NBAS: variants seen among roughly 807,000 people sequenced by gnomAD.
NBAS encodes NAG/BC035112 fusion.
A neutral mutation model predicts 302.5 loss-of-function variants in NBAS; 219 were observed. The observed-to-expected ratio is 0.72, with a 90% CI of 0.65 to 0.81. The LOEUF (loss-of-function observed/expected upper bound fraction) is 0.81, where lower values mean the gene tolerates loss of function less well. NBAS is among the 30% of genes least tolerant of loss of function. The pLI is 0.00. For synonymous variants in NBAS, 1,118 were observed against 1,021.6 expected, an observed-to-expected ratio of 1.09 and a Z score of -1.80; for missense variants, 2,932 against 2,841.6, an observed-to-expected ratio of 1.03 and a Z score of -0.72.
At chr2:15,301,102 G>A (rs1670774724) in intron 40 of NBAS, among the ~76,000 whole-genome samples, 1 of 152,088 alleles carries the variant, frequency 6.6e-6, no homozygotes, top group African/African-American at 2.4e-5. Flanking sequence ...ATATCCTGCT[G>A]GGAATTACCC....
the NBAS span, among the ~76,000 whole-genome samples, chr2:14,936,694 G>C: frequency 1.3e-5 from 2 of 152,190 alleles, no homozygotes. Context: ...GGAGATTCGA[G>C]GTGGTAGTTG....
chr2:15,510,422 GT>G (rs1476722201), intron 10 of NBAS, among the ~76,000 whole-genome samples: 25 of 152,116 alleles, frequency 1.6e-4, no homozygotes, highest in Admixed American at 1.6e-3. Context: ...AACGGAGATA[GT>G]GGGACCCCAA....
At chr2:15,151,747 T>C in the NBAS span, among the ~76,000 whole-genome samples, 1 of 152,212 alleles carries the variant, frequency 6.6e-6, no homozygotes, top group Non-Finnish European at 1.5e-5. Flanking sequence ...GTTTGATTCA[T>C]GGGGGCTCCT....
chr2:15,139,088 G>C, the NBAS span, among the ~76,000 whole-genome samples: 1 of 152,370 alleles, frequency 6.6e-6, no homozygotes, highest in South Asian at 2.1e-4. Context: ...AAAGAGTCCA[G>C]TGGAGCTGCG....
At chr2:14,958,844 T>C in the NBAS span, among the ~76,000 whole-genome samples, 2 of 152,022 alleles carry the variant, frequency 1.3e-5, no homozygotes, top group Non-Finnish European at 2.9e-5. Context: ...TCCATAAAAA[T>C]AGGGGCTCTA....
chr2:15,449,610 GAAGAT>G (rs1467993694), intron 21 of NBAS, among the ~76,000 whole-genome samples: 1 of 151,858 alleles, frequency 6.6e-6, no homozygotes, highest in Non-Finnish European at 1.5e-5. Context: ...CTTTAAATAG[GAAGAT>G]AAGAACCCAT....
At chr2:15,226,858 T>C (rs1348151906) in intron 47 of NBAS, among the ~76,000 whole-genome samples, 3 of 152,190 alleles carry the variant, frequency 2.0e-5, no homozygotes, top group Admixed American at 1.3e-4. Context: ...TGTGCAAACG[T>C]GGACAATCTG....
At chr2:14,967,133 G>A in the NBAS span, among the ~76,000 whole-genome samples, 1 of 152,218 alleles carries the variant, frequency 6.6e-6, no homozygotes, top group Non-Finnish European at 1.5e-5. Context: ...AAACACCACT[G>A]AGATATATTT....
At chr2:15,460,127 C>T (rs1052223701) in intron 21 of NBAS, among the ~76,000 whole-genome samples, 2 of 152,126 alleles carry the variant, frequency 1.3e-5, no homozygotes, top group African/African-American at 4.8e-5. Context: ...AAATGATCCC[C>T]TAATTTGAAT....
At chr2:14,902,902 G>A in the NBAS span, among the ~76,000 whole-genome samples, 2 of 152,074 alleles carry the variant, frequency 1.3e-5, no homozygotes, top group Non-Finnish European at 2.9e-5. Flanking sequence ...AATAAACAAG[G>A]TGAGAATGTT....
Position 15,405,638 on chromosome 2 carries a change from C to A in NBAS, c.2938-3337G>T, listed in dbSNP as rs78234073. Among the ~76,000 whole-genome samples, 1,030 of 152,270 alleles carry A rather than the reference C, an allele frequency of 6.8e-3. 12 individuals are homozygous for A. Among genetic ancestry groups the A allele is most frequent in the African/African-American group, 0.022 (929 of 41,562 alleles). ...GCAAAAGAATAATAATTTCTAAAAA[C>A]TCTTAAAATTATGCACTATATACAA... is the stretch of plus-strand genomic sequence containing the variant. On this transcript the variant is annotated intron_variant, in intron 25 of 51. Coordinates refer to ENST00000281513, the MANE Select transcript of NBAS (RefSeq NM_015909.4).
chr2:15,473,200 T>C (rs1167000095), intron 16 of NBAS, 22 bp downstream of exon 16: 3 of 1,612,644 alleles, frequency 1.9e-6, no homozygotes, highest in Non-Finnish European at 2.5e-6. Context: ...TTTTACCACA[T>C]TACCAAAATA....
At chr2:15,438,174 T>G (rs1309589558) in intron 21 of NBAS, among the ~76,000 whole-genome samples, 1 of 152,258 alleles carries the variant, frequency 6.6e-6, no homozygotes, top group Non-Finnish European at 1.5e-5. Context: ...AATTTCCAGA[T>G]TAAGGAAAGC....
chr2:15,283,407 G>A (rs984309798), intron 42 of NBAS, among the ~76,000 whole-genome samples: 2 of 152,018 alleles, frequency 1.3e-5, no homozygotes, highest in African/African-American at 4.8e-5. Context: ...TGAATCATGG[G>A]GGTGGTTACC....
chr2:15,238,722 C>G (rs777616903), intron 44 of NBAS, 36 bp from the exon 45 acceptor site: 4 of 1,565,160 alleles, frequency 2.6e-6, no homozygotes, highest in Non-Finnish European at 2.6e-6. Context: ...AAGAACCCTG[C>G]ATTATTACCT....
chr2:15,058,318 T>G, the NBAS span, among the ~76,000 whole-genome samples: 271 of 152,290 alleles, frequency 1.8e-3, 4 homozygotes, highest in African/African-American at 6.2e-3. Context: ...CCAAGGATGC[T>G]GCTCAATATT....
chr2:15,555,616 C>G (rs1664609633), intron 3 of NBAS, among the ~76,000 whole-genome samples: 1 of 152,022 alleles, frequency 6.6e-6, no homozygotes, highest in Non-Finnish European at 1.5e-5. Flanking sequence ...GTTTAATTAC[C>G]ATAAACTCAA....
the NBAS span, among the ~76,000 whole-genome samples, chr2:14,925,831 G>T: frequency 2.0e-5 from 3 of 152,092 alleles, no homozygotes; most frequent in African/African-American, 7.2e-5. Flanking sequence ...TACTATAGAA[G>T]AATTAAACAG....
chr2:15,130,720 T>C, the NBAS span, among the ~76,000 whole-genome samples: 1 of 152,234 alleles, frequency 6.6e-6, no homozygotes, highest in African/African-American at 2.4e-5. Context: ...GTCTTGTTAT[T>C]CTTCAGTGCG....
Sources: gnomAD v4.1 joint callset for allele counts (sites outside exome capture counted in the v4.1 genomes callset) on GRCh38, gnomAD v4.1.1 for gene constraint, MANE v1.5 for transcripts, NCBI Gene and HGNC (gene_info 2026-07-23, HGNC 2026-07-21) for gene names.